Variants in ZNF528 observed in about 807,000 individuals in gnomAD.
ZNF528 encodes zinc finger protein 528.
In ZNF528, 9 loss-of-function variants were observed where a neutral mutation model predicts 13.3. The ratio of observed to expected loss-of-function variants is 0.67; its 90% CI spans 0.41 to 1.18. The LOEUF is 1.18. ZNF528 is among the 50% of genes most tolerant of loss of function. ZNF528 has a pLI of 0.01. For synonymous variants in ZNF528, 264 were observed against 254.3 expected, an observed-to-expected ratio of 1.04 and a Z score of -0.36; for missense variants, 858 against 745.4, an observed-to-expected ratio of 1.15 and a Z score of -1.76.
Position 52,416,543 on chromosome 19 carries a change from T to C in ZNF528, c.1691T>C (p.Leu564Pro). Residue 564 changes from leucine (L) to proline (P), a missense_variant, in exon 7 of 7, where the codon CTT becomes CCT. Physicochemically the swap from Leu to Pro is moderately conservative, Grantham distance 98. Coordinates refer to ENST00000360465, the MANE Select transcript of ZNF528 (RefSeq NM_032423.3). ...AAAGCATTTCGAGGGTGTTCAGGCCTTACTGCCCATCTTGCAATCCATACT... is the reference window on the plus strand; with the variant it reads ...AAAGCATTTCGAGGGTGTTCAGGCCCTACTGCCCATCTTGCAATCCATACT... ...CGKAFRGCSG[L>P]TAHLAIHTEK... 3.1e-6 allele frequency: 5 copies of C among 1,614,200 alleles called. No individual in the cohort carries two copies. Among genetic ancestry groups the C allele is most frequent in the Non-Finnish European group, 4.2e-6 (5 of 1,180,030 alleles).
chr19:52,412,253 C>A (rs1381184748), intron 6 of ZNF528: 2 of 152,184 alleles, frequency 1.3e-5, no homozygotes, highest in East Asian at 3.9e-4. Context: ...GGTTCAAAAA[C>A]CCAAAGATCT....
At chr19:52,413,458 A>G (rs913990636) in intron 6 of ZNF528, 2 of 152,176 alleles carry the variant, frequency 1.3e-5, no homozygotes, top group African/African-American at 2.4e-5. Context: ...TCCATCGTTA[A>G]CTACACTCGT....
intron 6 of ZNF528, chr19:52,414,228 T>C (rs1301117349): frequency 1.4e-6 from 1 of 702,474 alleles, no homozygotes; most frequent in Admixed American, 2.0e-5. Context: ...CAGAACCTTC[T>C]TTGTTCACGT....
intron 6 of ZNF528, chr19:52,412,039 A>G (rs2058937147): frequency 6.6e-6 from 1 of 152,234 alleles, no homozygotes. Context: ...TATGACTGAC[A>G]CATCAGCTCC....
chr19:52,410,008 C>T (rs1300138427), intron 6 of ZNF528, among the ~76,000 whole-genome samples: 1 of 152,196 alleles, frequency 6.6e-6, no homozygotes, highest in Non-Finnish European at 1.5e-5. Context: ...AGCCACCATG[C>T]CCAGCCAGGT....
At chr19:52,414,672 A>T (rs1403519322) in intron 6 of ZNF528, 2 of 379,768 alleles carry the variant, frequency 5.3e-6, no homozygotes, top group East Asian at 1.3e-4. Flanking sequence ...TTGTTGTTTG[A>T]TCATAAAGCC....
At position 52,406,002 on chromosome 19, in the gene ZNF528, G is replaced by T. The variant is rs370548074; in HGVS notation, c.111G>T (p.Met37Ile). The T allele has an allele frequency of 2.5e-4, 403 of 1,611,544 alleles. 3 individuals are homozygous for T. The East Asian group carries it at 8.7e-3, about 35-fold the overall frequency. ...AGAGGACTTTATACAGGGACGTGAT[G>T]TTGGAGAATTATAGGAACCTGGTCT... ...PAQRTLYRDV[M>I]LENYRNLVSL... The change falls in exon 5 of 7, where the codon ATG becomes ATT. Residue 37 changes from methionine (M) to isoleucine (I), a missense_variant. Transcript: ENST00000360465.
Position 52,417,705 on chromosome 19 carries a change from C to G in ZNF528, c.*966C>G, listed in dbSNP as rs1288823889. 2 of 152,182 alleles carry G rather than the reference C, an allele frequency of 1.3e-5. No individual in the cohort carries two copies. Among genetic ancestry groups the G allele is most frequent in the Non-Finnish European group, 2.9e-5 (2 of 68,128 alleles). The allele number at this position is 152,182 out of a possible 1,614,324, so 9.4% of individuals were successfully genotyped here. ...GTTCTTGGCTCACTGCACCCTCCGC[C>G]TCCTGGGCTCAAGCAGTCCTTCTGC... On this transcript the variant is annotated 3_prime_UTR_variant, in exon 7 of 7. Coordinates refer to ENST00000360465, the MANE Select transcript of ZNF528 (RefSeq NM_032423.3).
chr19:52,399,726 G>C (rs2058769389), intron 2 of ZNF528, among the ~76,000 whole-genome samples: 2 of 152,162 alleles, frequency 1.3e-5, no homozygotes, highest in Non-Finnish European at 2.9e-5. Flanking sequence ...GGAAAAACCA[G>C]TGTGTTTTTG....
chr19:52,416,019 C>A lies in ZNF528; in HGVS notation c.1167C>A (p.Val389=). 6.2e-7 allele frequency: 1 copy of A among 1,614,100 alleles called. No homozygotes were observed. Among genetic ancestry groups the A allele is most frequent in the Non-Finnish European group, 8.5e-7 (1 of 1,180,034 alleles). ...ACAAATGTAAAGAATGTGACAAGGT[C>A]TTTGGGCGCAAGTGTTTCCTGACCT... is the stretch of plus-strand genomic sequence containing the variant. ...KPYKCKECDK[V]FGRKCFLTSH... The change falls in exon 7 of 7, where the codon GTC becomes GTA. Residue 389 remains valine (V), a synonymous_variant. Coordinates refer to ENST00000360465, the MANE Select transcript of ZNF528 (RefSeq NM_032423.3).
intron 6 of ZNF528, among the ~76,000 whole-genome samples, chr19:52,409,724 G>A: frequency 6.7e-6 from 1 of 150,362 alleles, no homozygotes; most frequent in Admixed American, 6.6e-5. Context: ...TTTTGTTTTT[G>A]TTTTTTTTGA....
At position 52,416,681 on chromosome 19, in the gene ZNF528, G is replaced by T. The variant is rs756766074; in HGVS notation, c.1829G>T (p.Cys610Phe). The T allele has an allele frequency of 1.2e-6, 2 of 1,612,682 alleles. No homozygotes were observed. The highest frequency in any genetic ancestry group is 2.2e-5 in the South Asian group (2 of 91,070). ...GAGAAACCTTACAAATGCACCCTGTGCAGTAAGGTCTTCAGTCACAATTCT... is the reference window on the plus strand; with the variant it reads ...GAGAAACCTTACAAATGCACCCTGTTCAGTAAGGTCTTCAGTCACAATTCT... Reference protein sequence around the residue: ...IGEKPYKCTLCSKVFSHNSDL... With the variant: ...IGEKPYKCTLFSKVFSHNSDL... The change falls in exon 7 of 7, where the codon TGC (cysteine) becomes TTC (phenylalanine). Residue 610 changes from cysteine to phenylalanine, a missense_variant. Physicochemically the swap from Cys to Phe is radical, Grantham distance 205. Coordinates refer to ENST00000360465, the MANE Select transcript of ZNF528 (RefSeq NM_032423.3).
Position 52,406,651 on chromosome 19 carries a change from C to T in ZNF528, c.271+8C>T. Reference sequence around the variant, plus strand: ...TCAAAGGTGTGAACACAGGTGAGAGCTCGGGTGGGCAGAGTGGAGGCCCCA... The same window carrying T: ...TCAAAGGTGTGAACACAGGTGAGAGTTCGGGTGGGCAGAGTGGAGGCCCCA... On this transcript the variant is annotated splice_region_variant and intron_variant, in intron 6 of 6. Coordinates refer to ENST00000360465, the MANE Select transcript of ZNF528 (RefSeq NM_032423.3). The T allele has an allele frequency of 6.2e-7, 1 of 1,605,362 alleles. No homozygotes were observed. Among genetic ancestry groups the T allele is most frequent in the South Asian group, 1.1e-5 (1 of 89,122 alleles).
Position 52,416,516 on chromosome 19 carries a change from G to A in ZNF528, c.1664G>A (p.Gly555Asp). 6.2e-7 allele frequency: 1 copy of A among 1,614,150 alleles called. No homozygotes were observed. ...GERPYRCSKCGKAFRGCSGLT... is the reference protein window; with the variant it reads ...GERPYRCSKCDKAFRGCSGLT... ...AGGCCTTACAGATGTAGTAAATGTG[G>A]CAAAGCATTTCGAGGGTGTTCAGGC... Residue 555 changes from glycine (G) to aspartate (D), a missense_variant, in exon 7 of 7, where the codon GGC becomes GAC. Physicochemically the swap from Gly to Asp is moderately conservative, Grantham distance 94. Transcript: ENST00000360465.
At chr19:52,411,095 T>G (rs1420150818) in intron 6 of ZNF528, among the ~76,000 whole-genome samples, 1 of 152,154 alleles carries the variant, frequency 6.6e-6, no homozygotes, top group Non-Finnish European at 1.5e-5. Context: ...TGATGTAAAT[T>G]TGATCTGTAG....
intron 6 of ZNF528, among the ~76,000 whole-genome samples, chr19:52,410,687 G>A (rs529610505): frequency 7.2e-5 from 11 of 152,314 alleles, no homozygotes; most frequent in African/African-American, 2.2e-4. Context: ...GTTGGAGATA[G>A]GGGGTAGAGA....
Position 52,415,870 on chromosome 19 carries a change from C to G in ZNF528, c.1018C>G (p.Leu340Val). ...CAAGGTCTTTAGTCGCCATTCATAT[C>G]TAGCAGAACATCAAACGGTTCATAC... ...CGKVFSRHSY[L>V]AEHQTVHTGE... Residue 340 changes from leucine to valine, a missense_variant, in exon 7 of 7, where the codon CTA becomes GTA. By Grantham distance (32) the Leu-to-Val change is conservative. Transcript: ENST00000360465. 1 of 1,613,940 alleles carries G rather than the reference C, an allele frequency of 6.2e-7. No individual in the cohort carries two copies.
intron 1 of ZNF528, among the ~76,000 whole-genome samples, 191 bp from the exon 2 acceptor site, chr19:52,398,176 C>T (rs1480360855): frequency 6.6e-6 from 1 of 152,184 alleles, no homozygotes; most frequent in Non-Finnish European, 1.5e-5. Flanking sequence ...AACCCCTACA[C>T]ACGCCCCGCA....
rs1042449774 is a variant in ZNF528 at position 52,416,203 on chromosome 19, G to C, written c.1351G>C (p.Asp451His). ...TGGCACAGCGTTTAGAGAGTTTTCA[G>C]ACCTTACTGCCCATTTTCTAATCCA... is the stretch of plus-strand genomic sequence containing the variant. ...KCGTAFREFS[D>H]LTAHFLIHSG... Residue 451 changes from aspartate (D) to histidine (H), a missense_variant, in exon 7 of 7, where the codon GAC becomes CAC. Asp to His is a moderately conservative substitution (Grantham distance 81). Coordinates refer to ENST00000360465, the MANE Select transcript of ZNF528 (RefSeq NM_032423.3). 9 of 1,613,304 alleles carry C rather than the reference G, an allele frequency of 5.6e-6. No homozygotes were observed. In the African/African-American group the frequency reaches 1.2e-4, roughly 22 times the overall value.
Sources: gnomAD v4.1 joint callset for allele counts (sites outside exome capture counted in the v4.1 genomes callset) on GRCh38, gnomAD v4.1.1 for gene constraint, MANE v1.5 for transcripts, NCBI Gene and HGNC (gene_info 2026-07-23, HGNC 2026-07-21) for gene names.